Variants in ZNF592 observed in about 807,000 individuals in gnomAD.
The protein encoded by ZNF592 is spinocerebellar ataxia, autosomal recessive 5.
Under a neutral mutation model 80.3 loss-of-function variants are expected in ZNF592, and 11 were observed. The ratio of observed to expected loss-of-function variants is 0.14; its 90% CI spans 0.09 to 0.23. ZNF592 has a LOEUF of 0.23. Ranked by LOEUF, ZNF592 falls within the 10% of genes least tolerant of loss-of-function variation. ZNF592 has a pLI of 1.00. For synonymous variants in ZNF592, 646 were observed against 640.3 expected (o/e 1.01, Z -0.13); for missense variants, 1,420 against 1,633.9 (o/e 0.87, Z 2.26).
intron 5 of ZNF592, among the ~76,000 whole-genome samples, chr15:84,793,848 T>C (rs1421214709): frequency 6.6e-6 from 1 of 152,244 alleles, no homozygotes; most frequent in Admixed American, 6.5e-5. Flanking sequence ...TTATTATGGC[T>C]GAGATTCCAT....
In ZNF592 at chr15:84,802,158, C is replaced by T. The variant is rs557366252; in HGVS notation, c.3569C>T (p.Ala1190Val). ...DQEEEEEEEA[A>V]AAEMAVEVAE... ...GAGGAGGAGGAGGAAGAGGAGGCGG[C>T]GGCAGCGGAGATGGCAGTGGAGGTG... Residue 1190 changes from alanine (A) to valine (V), a missense_variant, in exon 11 of 11, where the codon GCG (alanine) becomes GTG (valine). By Grantham distance (64) the Ala-to-Val change is moderately conservative. Around this residue, in one of 7 missense-constraint regions of ZNF592, gnomAD observed 145 missense variants for 211.9 expected, o/e 0.68. Coordinates refer to ENST00000560079, the MANE Select transcript of ZNF592 (RefSeq NM_014630.3). 6.1e-5 allele frequency: 98 copies of T among 1,602,908 alleles called. No individual in the cohort carries two copies. Among genetic ancestry groups the T allele is most frequent in the East Asian group, 2.7e-4 (12 of 44,616 alleles).
At chr15:84,796,185 G>T (rs569613597) in intron 5 of ZNF592, among the ~76,000 whole-genome samples, 29 of 131,966 alleles carry the variant, frequency 2.2e-4, no homozygotes, top group Non-Finnish European at 4.2e-4. Flanking sequence ...TTGCACCACT[G>T]CACTCCAATC....
At chr15:84,801,042 T>TG (rs1269806702) in intron 10 of ZNF592, among the ~76,000 whole-genome samples, 1 of 152,210 alleles carries the variant, frequency 6.6e-6, no homozygotes, top group East Asian at 1.9e-4. Context: ...ATGCATATAC[T>TG]GGGTGCGGTG....
chr15:84,793,938 A>C (rs1962821161), intron 5 of ZNF592, among the ~76,000 whole-genome samples: 1 of 152,194 alleles, frequency 6.6e-6, no homozygotes, highest in South Asian at 2.1e-4. Flanking sequence ...GGCTTCATGA[A>C]TAATGAATAA....
At chr15:84,795,805 T>C (rs9806472) in intron 5 of ZNF592, among the ~76,000 whole-genome samples, 116,251 of 152,010 alleles carry the variant, frequency 0.76, 44,643 homozygotes, top group East Asian at 0.93. Flanking sequence ...CTGTGGAGTT[T>C]ATCACAAAAA....
At chr15:84,785,561 C>T (rs1449192188) in intron 4 of ZNF592, among the ~76,000 whole-genome samples, 1 of 152,210 alleles carries the variant, frequency 6.6e-6, no homozygotes, top group African/African-American at 2.4e-5. Context: ...ATCTGCCCAC[C>T]TCAGCCTCCC....
intron 2 of ZNF592, among the ~76,000 whole-genome samples, chr15:84,777,589 T>G (rs968440158): frequency 4.6e-5 from 7 of 151,514 alleles, no homozygotes; most frequent in African/African-American, 4.8e-5. Flanking sequence ...ACCACCAAAG[T>G]GCTAAAAATA....
intron 5 of ZNF592, among the ~76,000 whole-genome samples, chr15:84,797,183 A>G (rs998502406): frequency 3.3e-5 from 5 of 152,168 alleles, no homozygotes; most frequent in African/African-American, 1.2e-4. Flanking sequence ...CTCATCTTGA[A>G]TTCCTGGCCT....
intron 3 of ZNF592, among the ~76,000 whole-genome samples, chr15:84,778,623 A>C (rs1962331967): frequency 6.6e-6 from 1 of 152,210 alleles, no homozygotes; most frequent in African/African-American, 2.4e-5. Flanking sequence ...GGGGCTTTAC[A>C]AGAAACTTTT....
rs1403932995 is a variant in ZNF592, at chr15:84,784,604, G to T, written c.1929G>T (p.Gly643=). 6.2e-7 allele frequency: 1 copy of T among 1,614,054 alleles called. No homozygotes were observed. Among genetic ancestry groups the T allele is most frequent in the African/African-American group, 1.3e-5 (1 of 74,910 alleles). The change falls in exon 4 of 11, where the codon GGG becomes GGT. Residue 643 remains glycine, a synonymous_variant. Coordinates refer to ENST00000560079, the MANE Select transcript of ZNF592 (RefSeq NM_014630.3). This position sits in a 1 kb window ranked among gnomAD's most constrained non-coding sequence, Gnocchi z 5.8. ...ACGCCCGTGACCACAAGAGCAAGGGGCTCGTCATGCAGTGTTCCCAGCTGC... is the reference window on the plus strand; with the variant it reads ...ACGCCCGTGACCACAAGAGCAAGGGTCTCGTCATGCAGTGTTCCCAGCTGC... ...LRHARDHKSK[G]LVMQCSQLLV...
At position 84,784,985 on chromosome 15, in the gene ZNF592, G is replaced by A. The variant is rs1962550079; in HGVS notation, c.2220+90G>A. The A allele has an allele frequency of 7.2e-7, 1 of 1,385,532 alleles. No homozygotes were observed. Among genetic ancestry groups the A allele is most frequent in the Admixed American group, 1.7e-5 (1 of 58,658 alleles). The allele number at this position is 1,385,532 out of a possible 1,614,324, so 85.8% of individuals were successfully genotyped here. A position where few individuals can be genotyped will look rare whatever the true frequency, so the allele number is the denominator to read the frequency against. Reference sequence around the variant, plus strand: ...TGGAGAGGAAAGCTCATTGATATGGGGGCAGTGGTGGAATCTTATGAGTCT... The same window carrying A: ...TGGAGAGGAAAGCTCATTGATATGGAGGCAGTGGTGGAATCTTATGAGTCT... On this transcript the variant is annotated intron_variant, in intron 4 of 10. Transcript: ENST00000560079. The surrounding 1 kb of genome is among the most constrained non-coding windows in gnomAD (Gnocchi z 5.8).
At chr15:84,756,539 G>T (rs1024419940) in intron 1 of ZNF592, among the ~76,000 whole-genome samples, 1 of 152,172 alleles carries the variant, frequency 6.6e-6, no homozygotes, top group Admixed American at 6.5e-5. Flanking sequence ...AGAGAAGGGG[G>T]CCCAGGGGTG....
intron 1 of ZNF592, among the ~76,000 whole-genome samples, chr15:84,760,348 A>G (rs1368256707): frequency 1.3e-5 from 2 of 151,966 alleles, no homozygotes; most frequent in Non-Finnish European, 2.9e-5. Context: ...CTTCTCCCCC[A>G]TATTCTCATG....
intron 4 of ZNF592, among the ~76,000 whole-genome samples, chr15:84,787,283 C>A (rs893300697): frequency 6.6e-6 from 1 of 152,150 alleles, no homozygotes; most frequent in African/African-American, 2.4e-5. Context: ...GAGCACCCGC[C>A]GACAGGAAGG....
At chr15:84,773,994 G>T (rs1260708780) in intron 2 of ZNF592, among the ~76,000 whole-genome samples, 1 of 152,196 alleles carries the variant, frequency 6.6e-6, no homozygotes, top group Non-Finnish European at 1.5e-5. Context: ...TGGGCCTTTT[G>T]TGATGAAACA....
Position 84,799,031 on chromosome 15 carries a change from G to A in ZNF592, c.3025-67G>A. 1 of 1,604,272 alleles carries A rather than the reference G, an allele frequency of 6.2e-7. No homozygotes were observed. The highest frequency in any genetic ancestry group is 8.5e-7 in the Non-Finnish European group (1 of 1,171,122). ...CCTCCTTTCTGCCCATGGCATCTGA[G>A]AAGAAAAATGCACCCAGAACTATCT... On this transcript the variant is annotated intron_variant, in intron 8 of 10. Transcript: ENST00000560079. The surrounding 1 kb of genome is among the most constrained non-coding windows in gnomAD (Gnocchi z 4.2).
intron 4 of ZNF592, among the ~76,000 whole-genome samples, chr15:84,788,066 A>AT (rs1351601256): frequency 6.7e-6 from 1 of 149,762 alleles, no homozygotes; most frequent in East Asian, 2.0e-4. Flanking sequence ...CATATCCCAT[A>AT]TTTTTTCCTG....
intron 1 of ZNF592, among the ~76,000 whole-genome samples, chr15:84,764,481 T>G (rs931009593): frequency 6.6e-6 from 1 of 152,144 alleles, no homozygotes; most frequent in Non-Finnish European, 1.5e-5. Context: ...GAGTCTGTGC[T>G]CTGAAGCACC....
chr15:84,771,640 A>G lies in ZNF592; in HGVS notation c.-149-6543A>G, dbSNP rs572481705. Reference sequence around the variant, plus strand: ...TAGAGGGGCTACACTAAGTGGAGGAAAGACAAGTAAAAAACGTTTTTTTTG... The same window carrying G: ...TAGAGGGGCTACACTAAGTGGAGGAGAGACAAGTAAAAAACGTTTTTTTTG... On this transcript the variant is annotated intron_variant, in intron 2 of 10. Coordinates refer to ENST00000560079, the MANE Select transcript of ZNF592 (RefSeq NM_014630.3). 7.9e-5 allele frequency among the ~76,000 whole-genome samples: 12 copies of G among 152,302 alleles called. No individual in the cohort carries two copies. In the South Asian group the frequency reaches 2.5e-3, roughly 32 times the overall value.
Sources: gnomAD v4.1 joint callset for allele counts (sites outside exome capture counted in the v4.1 genomes callset) on GRCh38, gnomAD v4.1.1 for gene constraint, gnomAD v4.1.1 regional missense constraint, Gnocchi (gnomAD v3.1) non-coding constraint, MANE v1.5 for transcripts, NCBI Gene and HGNC (gene_info 2026-07-23, HGNC 2026-07-21) for gene names.